Variants in KCNIP1 observed in about 807,000 individuals in gnomAD.
KCNIP1 encodes A-type potassium channel modulatory protein KCNIP1.
Under a neutral mutation model 33.0 loss-of-function variants are expected in KCNIP1, and 18 were observed. That is an observed-to-expected ratio of 0.55 (90% CI 0.38 to 0.81). The LOEUF (loss-of-function observed/expected upper bound fraction) is 0.81. KCNIP1 is among the 30% of genes least tolerant of loss of function. The pLI, the probability that KCNIP1 is intolerant of heterozygous loss-of-function variation, is 0.00. For missense variants in KCNIP1, 238 were observed against 271.6 expected (o/e 0.88, Z 0.87); for synonymous variants, 93 against 98.3 (o/e 0.95, Z 0.32).
At chr5:170,357,221 C>G (rs962630914) in intron 1 of KCNIP1, among the ~76,000 whole-genome samples, 1 of 152,290 alleles carries the variant, frequency 6.6e-6, no homozygotes, top group East Asian at 1.9e-4. Context: ...CACTGTGGCT[C>G]GGAAGCCTCG....
chr5:170,428,218 C>T (rs555884944), intron 1 of KCNIP1, among the ~76,000 whole-genome samples: 2 of 152,168 alleles, frequency 1.3e-5, no homozygotes, highest in Admixed American at 1.3e-4. Flanking sequence ...GGCTGGGAAA[C>T]GCAGGGTTGG....
At chr5:170,435,602 A>T (rs1755844491) in intron 1 of KCNIP1, among the ~76,000 whole-genome samples, 1 of 152,200 alleles carries the variant, frequency 6.6e-6, no homozygotes, top group South Asian at 2.1e-4. Context: ...CTGAAGGCAC[A>T]GGCTCTGGAA....
At chr5:170,577,015 T>G (rs1000499031) in intron 1 of KCNIP1, among the ~76,000 whole-genome samples, 2 of 152,190 alleles carry the variant, frequency 1.3e-5, no homozygotes, top group African/African-American at 4.8e-5. Context: ...GGGGGAAATC[T>G]GGACCTCCCT....
intron 1 of KCNIP1, among the ~76,000 whole-genome samples, chr5:170,391,230 G>A (rs1453796237): frequency 6.6e-6 from 1 of 152,134 alleles, no homozygotes; most frequent in East Asian, 1.9e-4. Flanking sequence ...TGCTTCCCTG[G>A]GGGAGAGATA....
chr5:170,552,565 G>C (rs962466059), intron 1 of KCNIP1, among the ~76,000 whole-genome samples: 1 of 152,156 alleles, frequency 6.6e-6, no homozygotes, highest in Non-Finnish European at 1.5e-5. Context: ...AACAGGTAGG[G>C]GGAAGATGGA....
intron 1 of KCNIP1, among the ~76,000 whole-genome samples, chr5:170,524,815 G>A (rs763689301): frequency 3.3e-5 from 5 of 152,116 alleles, no homozygotes; most frequent in Non-Finnish European, 7.4e-5. Flanking sequence ...TTGGTTCTGA[G>A]GCCCGGCTGC....
chr5:170,637,478 G>A (rs1192086825), intron 1 of KCNIP1, among the ~76,000 whole-genome samples: 3 of 152,132 alleles, frequency 2.0e-5, no homozygotes, highest in Non-Finnish European at 4.4e-5. Flanking sequence ...AAGGGCAGCA[G>A]CTAGCACACT....
intron 1 of KCNIP1, among the ~76,000 whole-genome samples, chr5:170,644,493 C>A (rs539244712): frequency 2.6e-5 from 4 of 152,206 alleles, no homozygotes; most frequent in Non-Finnish European, 5.9e-5. Context: ...GCAGCCTGAG[C>A]ACCTGCATCT....
At chr5:170,631,777 G>C (rs1282501574) in intron 1 of KCNIP1, among the ~76,000 whole-genome samples, 6 of 152,216 alleles carry the variant, frequency 3.9e-5, no homozygotes, top group African/African-American at 1.4e-4. Context: ...GGGCCTCTGG[G>C]CTCCCCAAGG....
At chr5:170,387,299 C>A (rs796226662) in intron 1 of KCNIP1, among the ~76,000 whole-genome samples, 1 of 152,086 alleles carries the variant, frequency 6.6e-6, no homozygotes, top group Admixed American at 6.5e-5. Flanking sequence ...AGCCAGTGTC[C>A]GGGTGACAGG....
chr5:170,609,608 AAGCAGCAGAAT>A (rs911527574), intron 1 of KCNIP1, among the ~76,000 whole-genome samples: 2 of 152,152 alleles, frequency 1.3e-5, no homozygotes, highest in Admixed American at 6.5e-5. Flanking sequence ...TGGGAGGCTA[AAGCAGCAGAAT>A]CACTTGAGGC....
chr5:170,439,612 C>T (rs551223877), intron 1 of KCNIP1, among the ~76,000 whole-genome samples: 12 of 152,306 alleles, frequency 7.9e-5, no homozygotes, highest in Non-Finnish European at 1.2e-4. Flanking sequence ...CTCATCTACG[C>T]AAGCCTTGGG....
At chr5:170,487,460 G>T (rs1757121477) in intron 1 of KCNIP1, among the ~76,000 whole-genome samples, 1 of 151,212 alleles carries the variant, frequency 6.6e-6, no homozygotes, top group Non-Finnish European at 1.5e-5. Context: ...CTTCTAAAGT[G>T]CACAATTCCA....
chr5:170,630,890 C>T (rs912814360), intron 1 of KCNIP1, among the ~76,000 whole-genome samples: 1 of 152,164 alleles, frequency 6.6e-6, no homozygotes, highest in Admixed American at 6.5e-5. Context: ...ATGAGTGCAG[C>T]GTGCAGATAA....
At position 170,736,084 on chromosome 5, in the gene KCNIP1, T is replaced by C. The variant is rs1764378192; in HGVS notation, c.*278T>C. The C allele has an allele frequency of 6.4e-6, 3 of 466,022 alleles. No individual in the cohort carries two copies. Among genetic ancestry groups the C allele is most frequent in the South Asian group, 7.7e-5 (2 of 26,142 alleles). The allele number at this position is 466,022 out of a possible 1,614,324, so 28.9% of individuals were successfully genotyped here. A position where few individuals can be genotyped will look rare whatever the true frequency, so the allele number is the denominator to read the frequency against. ...CTCATCTCCTCACACTGCTGCCCTATGGAAGGTCCCTCTGCTTAAGCTTAA... is the reference window on the plus strand; with the variant it reads ...CTCATCTCCTCACACTGCTGCCCTACGGAAGGTCCCTCTGCTTAAGCTTAA... On this transcript the variant is annotated 3_prime_UTR_variant, in exon 8 of 8. Coordinates refer to ENST00000328939, the MANE Select transcript of KCNIP1 (RefSeq NM_014592.4).
At position 170,732,830 on chromosome 5, in the gene KCNIP1, G is replaced by C; in HGVS notation, c.466G>C (p.Asp156His). ...GATGGACATTGTCAAAGCCATCTAT[G>C]ACATGATGGGGAAATACACATATCC... ...EMMDIVKAIY[D>H]MMGKYTYPVL... The change falls in exon 6 of 8, where the codon GAC (aspartate) becomes CAC (histidine). Residue 156 changes from aspartate (D) to histidine (H), a missense_variant. Coordinates refer to ENST00000328939, the MANE Select transcript of KCNIP1 (RefSeq NM_014592.4). The C allele has an allele frequency of 6.2e-7, 1 of 1,613,274 alleles. No homozygotes were observed. Among genetic ancestry groups the C allele is most frequent in the Non-Finnish European group, 8.5e-7 (1 of 1,179,320 alleles).
upstream of KCNIP1, among the ~76,000 whole-genome samples, chr5:170,500,161 G>A (rs1561653301): frequency 6.6e-6 from 1 of 152,116 alleles, no homozygotes; most frequent in South Asian, 2.1e-4. Context: ...TGTGCGTGGG[G>A]GGTCTTTGGA....
intron 1 of KCNIP1, among the ~76,000 whole-genome samples, chr5:170,713,411 C>A (rs1763527784): frequency 6.6e-6 from 1 of 151,980 alleles, no homozygotes; most frequent in Admixed American, 6.6e-5. Context: ...AAACTCAATG[C>A]CTATTGCACA....
Position 170,670,915 on chromosome 5 carries a change from A to AAAT in KCNIP1, c.62-47841_62-47840insTAA, listed in dbSNP as rs1554109781. Among the ~76,000 whole-genome samples the AAAT allele has an allele frequency of 2.1e-4, 29 of 138,892 alleles. 1 individual carries two copies. The highest frequency in any genetic ancestry group is 5.1e-4 in the African/African-American group (19 of 37,302). The allele number at this position is 138,892 out of a possible 152,430, so 91.1% of individuals were successfully genotyped here. ...TGTCTCAAAAAACAAAAAAAAAAAT[A>AAAT]AAAAAAAAAGAAGAGGACATCTGGA... is the stretch of plus-strand genomic sequence containing the variant. On this transcript the variant is annotated intron_variant, in intron 1 of 7. Transcript: ENST00000328939.
Sources: gnomAD v4.1 joint callset for allele counts (sites outside exome capture counted in the v4.1 genomes callset) on GRCh38, gnomAD v4.1.1 for gene constraint, MANE v1.5 for transcripts, NCBI Gene and HGNC (gene_info 2026-07-23, HGNC 2026-07-21) for gene names.